ARHGEF3: variants seen among roughly 807,000 people sequenced by gnomAD.
The protein encoded by ARHGEF3 is Rho guanine nucleotide exchange factor 3.
Under a neutral mutation model 63.2 loss-of-function variants are expected in ARHGEF3, and 28 were observed. The observed-to-expected ratio is 0.44, with a 90% CI of 0.33 to 0.61. The LOEUF (loss-of-function observed/expected upper bound fraction) is 0.61. Among genes scored for constraint, ARHGEF3 ranks in the 20% least tolerant of loss-of-function variants. The pLI, the probability that ARHGEF3 is intolerant of heterozygous loss-of-function variation, is 0.03. For synonymous variants in ARHGEF3, 266 were observed against 254.2 expected, an observed-to-expected ratio of 1.05 and a Z score of -0.44; for missense variants, 533 against 659.3, an observed-to-expected ratio of 0.81 and a Z score of 2.10.
chr3:56,990,738 T>C (rs113930301), intron 2 of ARHGEF3, among the ~76,000 whole-genome samples: 2 of 152,166 alleles, frequency 1.3e-5, no homozygotes, highest in Non-Finnish European at 2.9e-5. Context: ...ACATTACAAT[T>C]TTATAGGTAA....
At chr3:56,739,631 C>G (rs960954391) in intron 7 of ARHGEF3, among the ~76,000 whole-genome samples, 1 of 152,082 alleles carries the variant, frequency 6.6e-6, no homozygotes, top group South Asian at 2.1e-4. Context: ...GACTCCTAGA[C>G]TCAAGCGATC....
chr3:56,797,043 C>T lies in ARHGEF3; in HGVS notation c.96+4660G>A, dbSNP rs115838445. On this transcript the variant is annotated intron_variant, in intron 1 of 9. Coordinates refer to ENST00000296315, the MANE Select transcript of ARHGEF3 (RefSeq NM_019555.3). ...AATAATGACATTTTTTGAGCACTTA[C>T]GACATGCTAGGCACTATGGTTAGCG... Among the ~76,000 whole-genome samples, 938 of 152,076 alleles carry T rather than the reference C, an allele frequency of 6.2e-3. 12 individuals carry two copies. Among genetic ancestry groups the T allele is most frequent in the African/African-American group, 0.021 (889 of 41,456 alleles).
intron 4 of ARHGEF3, among the ~76,000 whole-genome samples, chr3:56,832,753 GTATCTCCCAAATCTCCCC>G (rs2038972304): frequency 6.6e-6 from 1 of 152,222 alleles, no homozygotes; most frequent in African/African-American, 2.4e-5. Flanking sequence ...AAGAAACCCT[GTATCTCCCAAATCTCCCC>G]TCCCCTCAGT....
At chr3:56,735,163 A>T (rs1389958341) in intron 8 of ARHGEF3, among the ~76,000 whole-genome samples, 3 of 152,168 alleles carry the variant, frequency 2.0e-5, no homozygotes, top group Admixed American at 1.3e-4. Context: ...GGGTGCCTGT[A>T]ATCCCAGCTA....
chr3:56,921,720 A>G (rs1004480926), intron 3 of ARHGEF3, among the ~76,000 whole-genome samples: 8 of 152,240 alleles, frequency 5.3e-5, no homozygotes, highest in African/African-American at 1.9e-4. Context: ...GACTGTGAAC[A>G]TTTGAAAATG....
In ARHGEF3 at chr3:56,917,373, CT is replaced by C. The variant is rs560639040; in HGVS notation, c.130-35020del. On this transcript the variant is annotated intron_variant, in intron 3 of 12. Coordinates refer to the ARHGEF3 transcript ENST00000338458. ...AAATCTTCCTAATTACAAATTTTAGCTGTTAAGATTTAGCCCAGGGTTTCCT... is the reference window on the plus strand; with the variant it reads ...AAATCTTCCTAATTACAAATTTTAGCGTTAAGATTTAGCCCAGGGTTTCCT... Among the ~76,000 whole-genome samples the C allele has an allele frequency of 5.9e-5, 9 of 152,256 alleles. No individual in the cohort carries two copies. In the South Asian group the frequency reaches 1.9e-3, roughly 32 times the overall value.
chr3:56,941,523 A>G (rs969196697), intron 3 of ARHGEF3, among the ~76,000 whole-genome samples: 6 of 152,350 alleles, frequency 3.9e-5, no homozygotes, highest in East Asian at 1.9e-4. Flanking sequence ...AACATGTTCA[A>G]TGAAACACCC....
chr3:56,844,978 G>A (rs1240253966), intron 4 of ARHGEF3, among the ~76,000 whole-genome samples: 3 of 152,178 alleles, frequency 2.0e-5, no homozygotes, highest in East Asian at 3.8e-4. Context: ...CTCATATTTT[G>A]AGGCAACTCT....
intron 4 of ARHGEF3, among the ~76,000 whole-genome samples, chr3:56,845,709 T>A (rs2039466271): frequency 6.6e-6 from 1 of 152,210 alleles, no homozygotes; most frequent in African/African-American, 2.4e-5. Context: ...CTTCAGTCCT[T>A]GACCTTATTA....
intron 1 of ARHGEF3, among the ~76,000 whole-genome samples, chr3:56,786,303 G>C (rs2036805721): frequency 1.3e-5 from 2 of 152,300 alleles, no homozygotes; most frequent in South Asian, 4.1e-4. Context: ...ACCACTCACT[G>C]AGCAAGGGTA....
intron 4 of ARHGEF3, among the ~76,000 whole-genome samples, chr3:56,825,862 A>C (rs1457345709): frequency 6.6e-6 from 1 of 152,050 alleles, no homozygotes; most frequent in African/African-American, 2.4e-5. Flanking sequence ...CCTCTCCCCA[A>C]TTCTCGGAGC....
intron 3 of ARHGEF3, among the ~76,000 whole-genome samples, chr3:56,895,453 CTTATTTAT>C (rs754105748): frequency 2.4e-5 from 3 of 123,506 alleles, no homozygotes; most frequent in Non-Finnish European, 5.0e-5. Flanking sequence ...GTCCATTGTT[CTTATTTAT>C]TTATTTATTT....
intron 3 of ARHGEF3, among the ~76,000 whole-genome samples, chr3:56,899,534 T>C (rs955590085): frequency 2.6e-5 from 4 of 152,230 alleles, no homozygotes; most frequent in African/African-American, 9.7e-5. Context: ...TTGATACTTA[T>C]CTATTTATGG....
At chr3:57,022,806 G>A (rs1224386034) in intron 2 of ARHGEF3, among the ~76,000 whole-genome samples, 1 of 152,044 alleles carries the variant, frequency 6.6e-6, no homozygotes, top group Non-Finnish European at 1.5e-5. Context: ...AGGCTGATCA[G>A]GCTGATCCAC....
intron 3 of ARHGEF3, among the ~76,000 whole-genome samples, chr3:56,915,724 A>G (rs2041970820): frequency 6.6e-6 from 1 of 152,164 alleles, no homozygotes. Context: ...TCTCCCAATA[A>G]TAAACAGACT....
intron 4 of ARHGEF3, among the ~76,000 whole-genome samples, chr3:56,852,328 G>A (rs542640494): frequency 3.9e-5 from 6 of 152,140 alleles, no homozygotes; most frequent in Non-Finnish European, 8.8e-5. Flanking sequence ...TTTCTTAGAT[G>A]ATTTCATCTC....
At chr3:56,905,977 G>A (rs541497445) in intron 3 of ARHGEF3, among the ~76,000 whole-genome samples, 1 of 152,256 alleles carries the variant, frequency 6.6e-6, no homozygotes, top group South Asian at 2.1e-4. Context: ...CATTTCTTCT[G>A]CCTCAGCCTC....
At chr3:56,944,890 TC>T (rs1271660406) in intron 3 of ARHGEF3, among the ~76,000 whole-genome samples, 1 of 152,158 alleles carries the variant, frequency 6.6e-6, no homozygotes, top group Non-Finnish European at 1.5e-5. Context: ...AAAAGTAGTT[TC>T]TTGAGATAGA....
chr3:56,865,703 T>C (rs2040226513), intron 4 of ARHGEF3, among the ~76,000 whole-genome samples: 2 of 152,142 alleles, frequency 1.3e-5, no homozygotes, highest in South Asian at 4.2e-4. Flanking sequence ...ATTCATATGT[T>C]GAAATTCTAC....
Sources: allele counts gnomAD v4.1 joint callset (sites outside exome capture counted in the v4.1 genomes callset), GRCh38; gene constraint gnomAD v4.1.1; transcripts MANE v1.5; gene names NCBI Gene and HGNC (gene_info 2026-07-23, HGNC 2026-07-21).